Variants in ANKRD28 observed in about 807,000 individuals in gnomAD.
The protein encoded by ANKRD28 is ankyrin repeat domain 28, also known as serine/threonine-protein phosphatase 6 regulatory ankyrin repeat subunit A.
ANKRD28 carries 44 observed loss-of-function variants against 126.5 expected under a neutral mutation model. That is an observed-to-expected ratio of 0.35 (90% CI 0.27 to 0.45). ANKRD28 has a LOEUF of 0.45. Ranked by LOEUF, ANKRD28 falls within the 20% of genes least tolerant of loss-of-function variation. ANKRD28 has a pLI of 1.00. For synonymous variants in ANKRD28, 442 were observed against 468.5 expected (o/e 0.94, Z 0.73); for missense variants, 1,110 against 1,316.6 (o/e 0.84, Z 2.43).
chr3:15,696,151 G>T lies in ANKRD28; in HGVS notation c.1642C>A (p.Arg548Ser). The T allele has an allele frequency of 6.3e-7, 1 of 1,583,310 alleles. No individual in the cohort carries two copies. Among genetic ancestry groups the T allele is most frequent in the Non-Finnish European group, 8.6e-7 (1 of 1,161,228 alleles). The change falls in exon 15 of 28, where the codon CGT becomes AGT. Residue 548 changes from arginine (R) to serine (S), a missense_variant. Transcript: ENST00000683139. ...AVHYSAAYGH[R>S]LCLQLIASET... ...AATCTTACCAGCTGAAGACATAGAC[G>T]GTGACCATAAGCAGCTGAATAATGA...
At chr3:15,714,432 T>A (rs2072738968) in intron 9 of ANKRD28, 146 bp downstream of exon 9, 3 of 641,712 alleles carry the variant, frequency 4.7e-6, no homozygotes, top group Admixed American at 7.5e-5. Context: ...TCTTTAATAT[T>A]TTATTTTCAT....
At chr3:15,718,354 A>G (rs2073313859) in intron 8 of ANKRD28, among the ~76,000 whole-genome samples, 1 of 152,256 alleles carries the variant, frequency 6.6e-6, no homozygotes, top group South Asian at 2.1e-4. Context: ...CTACTTAAAT[A>G]TATCTTAATG....
chr3:15,697,341 G>C (rs2069762004), intron 14 of ANKRD28: 1 of 152,334 alleles, frequency 6.6e-6, no homozygotes, highest in Non-Finnish European at 1.5e-5. Context: ...TTTACTCCAT[G>C]TGAGGGATAA....
rs750472453 is a variant in ANKRD28, at chr3:15,817,500, T to G, written c.28-22194A>C. Among the ~76,000 whole-genome samples the G allele has an allele frequency of 6.6e-6, 1 of 151,998 alleles. No homozygotes were observed. Among genetic ancestry groups the G allele is most frequent in the Admixed American group, 6.6e-5 (1 of 15,258 alleles). ...AGTGCAATAAGTGCTCTCCTAAAAG[T>G]TTGTTGTGTGTATCTGTGACAGAGG... On this transcript the variant is annotated intron_variant, in intron 1 of 27. Coordinates refer to the ANKRD28 transcript ENST00000399451. The surrounding 1 kb of genome is among the most constrained non-coding windows in gnomAD (Gnocchi z 4.5).
In ANKRD28 at chr3:15,675,914, A is replaced by C. The variant is rs2292088; in HGVS notation, c.2949T>G (p.Leu983=). 4.6e-3 allele frequency: 7,487 copies of C among 1,611,316 alleles called. 54 individuals are homozygous for C. The highest frequency in any genetic ancestry group is 0.025 in the East Asian group (1,101 of 44,776). The change falls in exon 27 of 28, where the codon CTT becomes CTG. Residue 983 remains leucine, a synonymous_variant. Coordinates refer to ENST00000683139, the MANE Select transcript of ANKRD28 (RefSeq NM_001349278.2). ...CCAACTTACCATTTTCATCTACTGC[A>C]AGCACACTTGCTCCTTTTCCCAAAA... ...QELLGKGASV[L]AVDENGYTPA... is the part of the protein sequence containing the mutation.
chr3:15,693,225 G>T (rs925402376), intron 17 of ANKRD28, among the ~76,000 whole-genome samples: 2 of 152,080 alleles, frequency 1.3e-5, no homozygotes, highest in Non-Finnish European at 2.9e-5. Flanking sequence ...TGTACAATTA[G>T]AAATGGTTAA....
At chr3:15,685,182 C>G (rs772416352) in intron 21 of ANKRD28, 44 bp downstream of exon 21, 1 of 1,589,622 alleles carries the variant, frequency 6.3e-7, no homozygotes, top group Non-Finnish European at 8.6e-7. Context: ...TCTTTTATCT[C>G]TGTTCACTAC....
chr3:15,771,374 C>T (rs1332312892), intron 2 of ANKRD28, among the ~76,000 whole-genome samples: 2 of 146,116 alleles, frequency 1.4e-5, no homozygotes, highest in Non-Finnish European at 3.0e-5. Context: ...CCCGCCACTG[C>T]ACTGCAGCCT....
intron 1 of ANKRD28, among the ~76,000 whole-genome samples, chr3:15,848,901 G>A (rs1296837631): frequency 1.3e-5 from 2 of 152,042 alleles, no homozygotes; most frequent in Non-Finnish European, 1.5e-5. Context: ...ATCCAGACTG[G>A]AAAGAAAAAA....
intron 3 of ANKRD28, among the ~76,000 whole-genome samples, chr3:15,762,203 A>AAAAAC (rs2058504150): frequency 3.0e-5 from 1 of 32,788 alleles, no homozygotes; most frequent in African/African-American, 6.2e-5. Flanking sequence ...AAAAAAAAAA[A>AAAAAC]AAAAAAAAAA....
intron 1 of ANKRD28, among the ~76,000 whole-genome samples, chr3:15,841,605 A>T (rs116606202): frequency 0.014 from 2,121 of 151,344 alleles, 20 homozygotes; most frequent in Non-Finnish European, 0.023. Context: ...ATAACCCAAT[A>T]AAAAAAAATG....
chr3:15,688,821 A>G lies in ANKRD28; in HGVS notation c.1963+1198T>C, dbSNP rs79108543. ...ATTTTAACGTATCTGCTACATCATA[A>G]TATCACAATATGGAATAGTTCTTGC... On this transcript the variant is annotated intron_variant, in intron 18 of 27. Transcript: ENST00000683139. Among the ~76,000 whole-genome samples, 665 of 152,326 alleles carry G rather than the reference A, an allele frequency of 4.4e-3. 8 individuals carry two copies. The highest frequency in any genetic ancestry group is 0.023 in the East Asian group (121 of 5,178).
At chr3:15,811,438 C>T (rs2060709080) in intron 1 of ANKRD28, among the ~76,000 whole-genome samples, 2 of 152,106 alleles carry the variant, frequency 1.3e-5, no homozygotes, top group Non-Finnish European at 2.9e-5. Flanking sequence ...GGAGAAAAGA[C>T]AAAATAATTA....
At chr3:15,819,899 G>A (rs544928398) in intron 1 of ANKRD28, among the ~76,000 whole-genome samples, 3 of 152,026 alleles carry the variant, frequency 2.0e-5, no homozygotes, top group African/African-American at 4.8e-5. Flanking sequence ...CCAATCATAG[G>A]GCATGGTTAT....
intron 27 of ANKRD28, among the ~76,000 whole-genome samples, chr3:15,673,307 A>T (rs2066571576): frequency 6.6e-6 from 1 of 152,232 alleles, no homozygotes. Context: ...TCTCCATTCA[A>T]GGGAGTAGAC....
intron 4 of ANKRD28, chr3:15,738,917 T>C (rs369226427): frequency 6.6e-6 from 1 of 152,166 alleles, no homozygotes; most frequent in African/African-American, 2.4e-5. Flanking sequence ...GACCTCCCCC[T>C]AGGAATGCAT....
rs1447946528 is a variant in ANKRD28, at chr3:15,843,169, C to G, written c.27+16208G>C. ...GAAGGCAAAGAGGTAGCAGGCACATCACATGGTGAAAGTAGGAGCAAGACA... is the reference window on the plus strand; with the variant it reads ...GAAGGCAAAGAGGTAGCAGGCACATGACATGGTGAAAGTAGGAGCAAGACA... On this transcript the variant is annotated intron_variant, in intron 1 of 27. Transcript: ENST00000399451. This position sits in a 1 kb window ranked among gnomAD's most constrained non-coding sequence, Gnocchi z 5.2. Among the ~76,000 whole-genome samples the G allele has an allele frequency of 6.6e-6, 1 of 152,168 alleles. No individual in the cohort carries two copies. Among genetic ancestry groups the G allele is most frequent in the Non-Finnish European group, 1.5e-5 (1 of 68,026 alleles).
chr3:15,852,832 C>CAAAAAAAAA (rs71064237), intron 1 of ANKRD28, among the ~76,000 whole-genome samples: 2 of 64,010 alleles, frequency 3.1e-5, no homozygotes, highest in Non-Finnish European at 5.6e-5. Context: ...GACTCTGTCT[C>CAAAAAAAAA]AAAAAAAAAA....
intron 4 of ANKRD28, among the ~76,000 whole-genome samples, chr3:15,749,877 T>C (rs1465295419): frequency 6.6e-6 from 1 of 152,220 alleles, no homozygotes; most frequent in Non-Finnish European, 1.5e-5. Context: ...CTGTGGATAC[T>C]AGCACCTGCT....
Sources: allele counts gnomAD v4.1 joint callset (sites outside exome capture counted in the v4.1 genomes callset), GRCh38; gene constraint gnomAD v4.1.1; non-coding constraint Gnocchi (gnomAD v3.1); transcripts MANE v1.5; gene names NCBI Gene and HGNC (gene_info 2026-07-23, HGNC 2026-07-21).